NPC1L1: variants seen among roughly 807,000 people sequenced by gnomAD.
NPC1L1 encodes the protein NPC1 like intracellular cholesterol transporter 1.
NPC1L1 carries 98 observed loss-of-function variants against 117.0 expected under a neutral mutation model. The observed-to-expected ratio is 0.84, with a 90% confidence interval of 0.71 to 0.99. The LOEUF (loss-of-function observed/expected upper bound fraction) is 0.99, where lower values mean the gene tolerates loss of function less well. Ranked by LOEUF, NPC1L1 falls within the 50% of genes least tolerant of loss-of-function variation. NPC1L1 has a pLI of 0.00. For missense variants in NPC1L1, 1,540 were observed against 1,710.0 expected (o/e 0.90, Z 1.75); for synonymous variants, 729 against 727.6 (o/e 1.00, Z -0.03).
intron 18 of NPC1L1, 101 bp downstream of exon 18, chr7:44,515,702 G>C: frequency 7.0e-7 from 1 of 1,430,888 alleles, no homozygotes; most frequent in Admixed American, 1.7e-5. Context: ...ATCTGCCCAT[G>C]GCTCGTTTGC....
chr7:44,517,465 G>T, intron 14 of NPC1L1, 108 bp from the exon 15 acceptor site: 2 of 1,368,974 alleles, frequency 1.5e-6, no homozygotes, highest in African/African-American at 1.4e-5. Flanking sequence ...ATCAAGCGGG[G>T]TTCAGGGCTC....
rs927081167 is a variant in NPC1L1 at position 44,539,865 on chromosome 7, G to A, written c.532C>T (p.Pro178Ser). The change falls in exon 2 of 19, where the codon CCT (proline) becomes TCT (serine). Residue 178 changes from proline to serine, a missense_variant. Transcript: ENST00000381160. The surrounding 1 kb of genome is among the most constrained non-coding windows in gnomAD (Gnocchi z 4.4). ...CCCACAGCCAGCGTGGCAGCTGCAG[G>A]GACGCGCACACGGCTGCAGGAGTCA... ...SYDSCSRVRVPAAATLAVGTM... is the reference protein window; with the variant it reads ...SYDSCSRVRVSAAATLAVGTM... 2.5e-6 allele frequency: 4 copies of A among 1,614,060 alleles called. No individual in the cohort carries two copies. The highest frequency in any genetic ancestry group is 3.4e-6 in the Non-Finnish European group (4 of 1,180,036).
chr7:44,531,361 C>T (rs1203767400), intron 10 of NPC1L1, among the ~76,000 whole-genome samples: 1 of 152,194 alleles, frequency 6.6e-6, no homozygotes, highest in Non-Finnish European at 1.5e-5. Context: ...TCCTATGTGA[C>T]CTTGGAGGTC....
rs986625553 is a variant in NPC1L1, at chr7:44,532,213, G to C, written c.2414C>G (p.Ser805Cys). ...LSLDSKRQEA[S>C]RLDVCCCVKP... Reference sequence around the variant, plus strand: ...GACACAGCAGCAGACGTCCAACCGGGAGGCCTGGAGTGGGAGGCACCCCCT... The same window carrying C: ...GACACAGCAGCAGACGTCCAACCGGCAGGCCTGGAGTGGGAGGCACCCCCT... Residue 805 changes from serine (S) to cysteine (C), a missense_variant, in exon 9 of 19, where the codon TCC becomes TGC. Physicochemically the swap from Ser to Cys is moderately radical, Grantham distance 112 (BLOSUM62 -1). Around this residue, in one of 3 missense-constraint regions of NPC1L1, gnomAD observed 742 missense variants for 873.6 expected, o/e 0.85. Transcript: ENST00000381160. 6.2e-7 allele frequency: 1 copy of C among 1,613,618 alleles called. No homozygotes were observed. The highest frequency in any genetic ancestry group is 2.2e-5 in the East Asian group (1 of 44,878).
At chr7:44,532,854 A>C (rs1279003909) in intron 8 of NPC1L1, among the ~76,000 whole-genome samples, 6 of 152,244 alleles carry the variant, frequency 3.9e-5, no homozygotes, top group African/African-American at 9.6e-5. Flanking sequence ...GGCTCACGCC[A>C]GCACTTTGGG....
chr7:44,516,927 T>C lies in NPC1L1; in HGVS notation c.3295A>G (p.Asn1099Asp). ...AFEVFPYTITNVFYEQYLTIL... is the reference protein window; with the variant it reads ...AFEVFPYTITDVFYEQYLTIL... ...GTCAGGTACTGCTCATAAAACACAT[T>C]GGTGATCCTGCCAGAGCACAGAGCA... The change falls in exon 16 of 19, where the codon AAT (asparagine) becomes GAT (aspartate). Residue 1099 changes from asparagine (N) to aspartate (D), a missense_variant. Asn to Asp is a conservative substitution (Grantham distance 23). Around this residue, in one of 3 missense-constraint regions of NPC1L1, gnomAD observed 742 missense variants for 873.6 expected, o/e 0.85. Coordinates refer to ENST00000381160, the MANE Select transcript of NPC1L1 (RefSeq NM_001101648.2). The C allele has an allele frequency of 1.2e-6, 2 of 1,612,716 alleles. No homozygotes were observed. Among genetic ancestry groups the C allele is most frequent in the Non-Finnish European group, 1.7e-6 (2 of 1,179,578 alleles).
intron 10 of NPC1L1, among the ~76,000 whole-genome samples, chr7:44,530,910 C>T (rs1801676949): frequency 1.3e-5 from 2 of 152,252 alleles, no homozygotes; most frequent in South Asian, 4.1e-4. Context: ...GCACCCCACT[C>T]AGCCCTGTTG....
rs747573304 is a variant in NPC1L1, at chr7:44,512,671, C to T, written c.*776G>A. On this transcript the variant is annotated 3_prime_UTR_variant, in exon 19 of 19. Coordinates refer to ENST00000381160, the MANE Select transcript of NPC1L1 (RefSeq NM_001101648.2). The stretch of plus-strand genomic sequence containing the variant: ...TGGTTTGAGGCCTGGGATCCAGGCC[C>T]GAGGTGAAGATGGGAGGACCAGCCC... 6.6e-6 allele frequency: 1 copy of T among 152,594 alleles called. No individual in the cohort carries two copies. Among genetic ancestry groups the T allele is most frequent in the African/African-American group, 2.4e-5 (1 of 41,460 alleles). The allele number at this position is 152,594 out of a possible 1,614,324, so 9.5% of individuals were successfully genotyped here. A position where few individuals can be genotyped will look rare whatever the true frequency, so the allele number is the denominator to read the frequency against.
intron 1 of NPC1L1, among the ~76,000 whole-genome samples, 175 bp from the exon 2 acceptor site, chr7:44,540,517 T>A (rs1585155863): frequency 6.6e-6 from 1 of 151,540 alleles, no homozygotes; most frequent in African/African-American, 2.4e-5. Flanking sequence ...AGTGTTGGAG[T>A]GACAACACTG....
At chr7:44,520,668 G>A (rs1455027786) in intron 14 of NPC1L1, 97 bp downstream of exon 14, 1 of 1,057,344 alleles carries the variant, frequency 9.5e-7, no homozygotes, top group African/African-American at 1.6e-5. Flanking sequence ...CCTGACAAAG[G>A]AGGGAGACAA....
chr7:44,524,850 G>A (rs1381606521), intron 10 of NPC1L1, among the ~76,000 whole-genome samples: 4 of 151,840 alleles, frequency 2.6e-5, no homozygotes, highest in African/African-American at 7.2e-5. Context: ...TGAACAAAAT[G>A]GAAATATCAA....
At position 44,519,723 on chromosome 7, in the gene NPC1L1, T is replaced by C. The variant is rs1164643993; in HGVS notation, c.3136+1042A>G. ...AGCTCCTTTACACAGATGGCTGTCT[T>C]GTTCTGCCATCTGCTGTATAAGCTG... is the stretch of plus-strand genomic sequence containing the variant. On this transcript the variant is annotated intron_variant, in intron 14 of 18. Transcript: ENST00000381160. Among the ~76,000 whole-genome samples the C allele has an allele frequency of 2.0e-5, 3 of 152,158 alleles. No homozygotes were observed. The East Asian group carries it at 5.8e-4, about 29-fold the overall frequency.
At chr7:44,524,040 G>T (rs1456894776) in intron 10 of NPC1L1, among the ~76,000 whole-genome samples, 1 of 152,180 alleles carries the variant, frequency 6.6e-6, no homozygotes, top group Non-Finnish European at 1.5e-5. Flanking sequence ...GATTTAAAGA[G>T]TAAGCACCTA....
chr7:44,519,661 G>C (rs776158917), intron 14 of NPC1L1, among the ~76,000 whole-genome samples: 32 of 151,938 alleles, frequency 2.1e-4, no homozygotes, highest in African/African-American at 6.8e-4. Context: ...CTCCCTTAGG[G>C]CCCCTACACC....
chr7:44,518,239 G>A (rs1400664975), intron 14 of NPC1L1, among the ~76,000 whole-genome samples: 1 of 151,624 alleles, frequency 6.6e-6, no homozygotes, highest in African/African-American at 2.4e-5. Flanking sequence ...GTGCGATCTT[G>A]GCTCACTGCA....
In NPC1L1 at chr7:44,516,286, C is replaced by T. The variant is rs1801184169; in HGVS notation, c.3520-89G>A. On this transcript the variant is annotated intron_variant, in intron 16 of 18. Transcript: ENST00000381160. Reference sequence around the variant, plus strand: ...GGCCTCCACCAGGACCAGCGTGGGGCAGGCATCTAGATTCTAGACAGAACT... The same window carrying T: ...GGCCTCCACCAGGACCAGCGTGGGGTAGGCATCTAGATTCTAGACAGAACT... 2.2e-5 allele frequency: 24 copies of T among 1,102,652 alleles called. 1 individual carries two copies. In the South Asian group the frequency reaches 2.8e-4, roughly 13 times the overall value. The allele number at this position is 1,102,652 out of a possible 1,614,324, so 68.3% of individuals were successfully genotyped here.
chr7:44,540,280 A>G lies in NPC1L1; in HGVS notation c.117T>C (p.Cys39=), dbSNP rs772461269. The change falls in exon 2 of 19, where the codon TGT becomes TGC. Residue 39 remains cysteine (C), a synonymous_variant. Coordinates refer to ENST00000381160, the MANE Select transcript of NPC1L1 (RefSeq NM_001101648.2). ...QPGYCAFYDE[C]GKNPELSGSL... ...TTCCAGACAGCTCTGGGTTCTTCCC[A>G]CATTCGTCATAGAAGGCGCAGTAGC... 1 of 1,614,002 alleles carries G rather than the reference A, an allele frequency of 6.2e-7. No homozygotes were observed. Among genetic ancestry groups the G allele is most frequent in the Non-Finnish European group, 8.5e-7 (1 of 1,180,028 alleles).
At chr7:44,524,581 C>T (rs1234718127) in intron 10 of NPC1L1, among the ~76,000 whole-genome samples, 1 of 151,880 alleles carries the variant, frequency 6.6e-6, no homozygotes, top group Non-Finnish European at 1.5e-5. Flanking sequence ...ATGGTGAAAC[C>T]CTGTCTCTAC....
In NPC1L1 at chr7:44,513,434, G is replaced by T; in HGVS notation, c.*13C>A. The T allele has an allele frequency of 1.1e-5, 17 of 1,612,960 alleles. No homozygotes were observed. The highest frequency in any genetic ancestry group is 1.4e-5 in the Non-Finnish European group (17 of 1,178,960). ...TTCAGGGCCATAGAGCCTAGACAGG[G>T]CCTCTGGCTGTATCAGAACTGCCGC... On this transcript the variant is annotated 3_prime_UTR_variant, in exon 19 of 19. Transcript: ENST00000381160.
Sources: gnomAD v4.1 joint callset for allele counts (sites outside exome capture counted in the v4.1 genomes callset) on GRCh38, gnomAD v4.1.1 for gene constraint, gnomAD v4.1.1 regional missense constraint, Gnocchi (gnomAD v3.1) non-coding constraint, MANE v1.5 for transcripts, NCBI Gene and HGNC (gene_info 2026-07-23, HGNC 2026-07-21) for gene names.